The following KCNIP4 variants were observed in gnomAD, a reference collection of about 807,000 sequenced individuals.
KCNIP4 encodes potassium voltage-gated channel interacting protein 4.
A neutral mutation model predicts 34.0 loss-of-function variants in KCNIP4; 12 were observed. That is an observed-to-expected ratio of 0.35 (90% CI 0.23 to 0.57). The LOEUF is 0.57. Ranked by LOEUF, KCNIP4 falls within the 20% of genes least tolerant of loss-of-function variation. KCNIP4 has a pLI of 0.83. For synonymous variants in KCNIP4, 124 were observed against 102.2 expected (o/e 1.21, Z -1.29); for missense variants, 238 against 311.7 (o/e 0.76, Z 1.78).
chr4:20,736,527 A>G (rs1749668797), intron 5 of KCNIP4, among the ~76,000 whole-genome samples: 1 of 152,148 alleles, frequency 6.6e-6, no homozygotes. Flanking sequence ...TGTGTGCAAT[A>G]TTAGCTGCAA....
At chr4:21,209,901 T>C (rs1757108377) in intron 1 of KCNIP4, among the ~76,000 whole-genome samples, 1 of 152,190 alleles carries the variant, frequency 6.6e-6, no homozygotes, top group Admixed American at 6.5e-5. Flanking sequence ...AAAAGTTCAA[T>C]AATTATTCAC....
intron 3 of KCNIP4, among the ~76,000 whole-genome samples, chr4:20,781,483 G>C (rs1756862861): frequency 6.6e-6 from 1 of 152,202 alleles, no homozygotes; most frequent in African/African-American, 2.4e-5. Context: ...GGTTTAATTG[G>C]ACGTACAGTT....
intron 1 of KCNIP4, among the ~76,000 whole-genome samples, chr4:21,129,117 T>G (rs1217024207): frequency 6.6e-6 from 1 of 152,164 alleles, no homozygotes; most frequent in African/African-American, 2.4e-5. Context: ...TGGTAGTGAA[T>G]AAGTCTCATG....
chr4:21,660,716 T>C (rs1228273303), intron 1 of KCNIP4, among the ~76,000 whole-genome samples: 2 of 152,300 alleles, frequency 1.3e-5, no homozygotes, highest in African/African-American at 2.4e-5. Context: ...AAATTGTTAA[T>C]GCTATCCTTA....
intron 1 of KCNIP4, among the ~76,000 whole-genome samples, chr4:21,472,303 T>C (rs1049874389): frequency 6.7e-6 from 1 of 150,230 alleles, no homozygotes; most frequent in African/African-American, 2.4e-5. Context: ...CCCGAGATCG[T>C]AGGAGATGGT....
At chr4:20,765,363 C>T (rs1755307138) in intron 3 of KCNIP4, among the ~76,000 whole-genome samples, 1 of 151,988 alleles carries the variant, frequency 6.6e-6, no homozygotes, top group Non-Finnish European at 1.5e-5. Flanking sequence ...GTATTTGTAC[C>T]CAGAGGCACC....
chr4:21,413,184 C>T (rs955204587), intron 1 of KCNIP4, among the ~76,000 whole-genome samples: 11 of 152,082 alleles, frequency 7.2e-5, no homozygotes, highest in Non-Finnish European at 1.6e-4. Context: ...TTGATGTAGA[C>T]AAAGTGGCAT....
chr4:20,770,921 C>T (rs1321248584), intron 3 of KCNIP4, among the ~76,000 whole-genome samples: 3 of 151,786 alleles, frequency 2.0e-5, no homozygotes, highest in African/African-American at 4.8e-5. Context: ...GGAGACAGAG[C>T]GAGACTCCAT....
chr4:21,760,876 T>A (rs1416993173), intron 1 of KCNIP4, among the ~76,000 whole-genome samples: 1 of 152,132 alleles, frequency 6.6e-6, no homozygotes, highest in African/African-American at 2.4e-5. Flanking sequence ...GACCAAAACA[T>A]ATCTTAATAA....
At chr4:21,943,282 G>A (rs894962871) in intron 1 of KCNIP4, among the ~76,000 whole-genome samples, 1 of 152,196 alleles carries the variant, frequency 6.6e-6, no homozygotes, top group African/African-American at 2.4e-5. Context: ...AGGAGTCAGG[G>A]AGAAATCAGT....
intron 1 of KCNIP4, among the ~76,000 whole-genome samples, chr4:20,886,053 T>C (rs1177594283): frequency 6.6e-6 from 1 of 152,186 alleles, no homozygotes; most frequent in African/African-American, 2.4e-5. Context: ...ATGATACAAT[T>C]ACATATTTGA....
At chr4:21,816,753 T>C (rs1205516774) in intron 1 of KCNIP4, among the ~76,000 whole-genome samples, 2 of 152,126 alleles carry the variant, frequency 1.3e-5, no homozygotes, top group African/African-American at 2.4e-5. Context: ...AAAGCTTTCA[T>C]TAGGAATACT....
intron 2 of KCNIP4, among the ~76,000 whole-genome samples, chr4:20,876,138 ATGT>A (rs1253233252): frequency 1.3e-5 from 2 of 152,226 alleles, no homozygotes; most frequent in Admixed American, 1.3e-4. Context: ...TGCTGGGTAG[ATGT>A]TGTTATGAGT....
intron 1 of KCNIP4, among the ~76,000 whole-genome samples, chr4:21,007,355 A>C (rs939707176): frequency 2.6e-5 from 4 of 152,322 alleles, no homozygotes; most frequent in African/African-American, 9.6e-5. Context: ...TAGGACTGGC[A>C]GTGTCCATGT....
intron 1 of KCNIP4, among the ~76,000 whole-genome samples, chr4:21,756,121 AT>A (rs1249682116): frequency 6.6e-6 from 1 of 152,174 alleles, no homozygotes; most frequent in Non-Finnish European, 1.5e-5. Flanking sequence ...ATGGATTTTT[AT>A]TTCTCTTTTT....
intron 2 of KCNIP4, among the ~76,000 whole-genome samples, chr4:20,876,673 C>T (rs182874710): frequency 1.3e-5 from 2 of 152,132 alleles, no homozygotes; most frequent in East Asian, 3.9e-4. Context: ...GAGTGGAGTT[C>T]AAGTGATTCT....
chr4:21,450,401 C>A (rs1728418101), intron 1 of KCNIP4, among the ~76,000 whole-genome samples: 1 of 152,020 alleles, frequency 6.6e-6, no homozygotes, highest in East Asian at 1.9e-4. Flanking sequence ...CCTTTTAATT[C>A]CCAAGAATAA....
At chr4:20,961,994 A>G (rs1490309048) in intron 1 of KCNIP4, among the ~76,000 whole-genome samples, 1 of 152,164 alleles carries the variant, frequency 6.6e-6, no homozygotes, top group African/African-American at 2.4e-5. Context: ...TTCCATGACT[A>G]CGTATCTTTC....
intron 1 of KCNIP4, among the ~76,000 whole-genome samples, chr4:21,505,272 G>GAA (rs5856639): frequency 2.1e-5 from 3 of 145,074 alleles, no homozygotes; most frequent in East Asian, 2.0e-4. Context: ...AGTACTACAG[G>GAA]AAAAAAAAAA....
Sources: gnomAD v4.1 joint callset for allele counts (sites outside exome capture counted in the v4.1 genomes callset) on GRCh38, gnomAD v4.1.1 for gene constraint, MANE v1.5 for transcripts, NCBI Gene and HGNC (gene_info 2026-07-23, HGNC 2026-07-21) for gene names.